Variants in VBP1 observed in about 807,000 individuals in gnomAD.
The protein encoded by VBP1 is VHL binding protein 1.
Under a neutral mutation model 15.5 loss-of-function variants are expected in VBP1, and 4 were observed. The ratio of observed to expected loss-of-function variants is 0.26; its 90% CI spans 0.13 to 0.59. The LOEUF (loss-of-function observed/expected upper bound fraction) is 0.59, where lower values mean the gene tolerates loss of function less well. Among genes scored for constraint, VBP1 ranks in the 20% least tolerant of loss-of-function variants. The probability of loss-of-function intolerance (pLI) is 0.90; values close to 1 mark genes in which losing one functional copy is unlikely to be tolerated. For synonymous variants in VBP1, 61 were observed against 52.1 expected (o/e 1.17, Z -0.74); for missense variants, 108 against 139.6 (o/e 0.77, Z 1.14).
rs781920127 is a variant in VBP1, at chrX:155,224,337, C to T, written c.219-2898C>T. Among the ~76,000 whole-genome samples the T allele has an allele frequency of 4.0e-4, 45 of 112,588 alleles. No individual in the cohort carries two copies. The South Asian group carries it at 0.012, about 31-fold the overall frequency. On this transcript the variant is annotated intron_variant, in intron 2 of 5. Coordinates refer to ENST00000286428, the MANE Select transcript of VBP1 (RefSeq NM_003372.7). ...ATTGAGCACTGAGTGAGCGAGACTC[C>T]GTCTGCAATCCCGGCACCTCGGGAG... is the stretch of plus-strand genomic sequence containing the variant.
intron 1 of VBP1, among the ~76,000 whole-genome samples, chrX:155,199,426 A>G (rs782217998): frequency 8.9e-6 from 1 of 112,011 alleles, no homozygotes; most frequent in South Asian, 3.7e-4. Context: ...GAAACTCTAC[A>G]AGCCAGAAGA....
intron 3 of VBP1, among the ~76,000 whole-genome samples, chrX:155,228,066 T>G (rs1338184013): frequency 1.8e-5 from 2 of 110,874 alleles, no homozygotes; most frequent in African/African-American, 6.6e-5. Context: ...CACTCGGGGG[T>G]GTGTGTGTGT....
intron 1 of VBP1, among the ~76,000 whole-genome samples, chrX:155,199,186 A>G (rs1343682376): frequency 6.3e-5 from 7 of 111,632 alleles, no homozygotes; most frequent in Non-Finnish European, 1.3e-4. Flanking sequence ...AACACTCTGC[A>G]GGATATTATC....
At chrX:155,233,940 C>T (rs953350138) in intron 4 of VBP1, among the ~76,000 whole-genome samples, 1 of 109,976 alleles carries the variant, frequency 9.1e-6, no homozygotes. Context: ...TGTAAGTGAA[C>T]GAATCTGTTG....
chrX:155,228,112 G>T (rs1024678412), intron 3 of VBP1, among the ~76,000 whole-genome samples: 1 of 111,472 alleles, frequency 9.0e-6, no homozygotes, highest in Non-Finnish European at 1.9e-5. Context: ...GACTTCATAG[G>T]TGTAGGGACT....
intron 1 of VBP1, among the ~76,000 whole-genome samples, chrX:155,206,380 C>T (rs5983644): frequency 0.33 from 36,391 of 109,193 alleles, 5,191 homozygotes; most frequent in African/African-American, 0.54. Flanking sequence ...ACTACAGGCA[C>T]CTGCCACCAC....
At chrX:155,202,963 C>T (rs191813404) in intron 1 of VBP1, among the ~76,000 whole-genome samples, 1 of 112,056 alleles carries the variant, frequency 8.9e-6, no homozygotes, top group East Asian at 2.8e-4. Flanking sequence ...TGAACAGACA[C>T]TTCTCAAAAG....
chrX:155,234,698 T>C (rs1311914183), intron 4 of VBP1, among the ~76,000 whole-genome samples: 1 of 111,507 alleles, frequency 9.0e-6, no homozygotes, highest in African/African-American at 3.3e-5. Context: ...AAATATTGAA[T>C]GCACATCATA....
chrX:155,227,315 T>C lies in VBP1; in HGVS notation c.285+14T>C. 8.9e-7 allele frequency: 1 copy of C among 1,126,675 alleles called. No homozygotes were observed. The highest frequency in any genetic ancestry group is 1.2e-6 in the Non-Finnish European group (1 of 841,947). 92.9% of individuals were successfully genotyped at this position (1,126,675 alleles called of 1,213,427 possible). The stretch of plus-strand genomic sequence containing the variant: ...CAGAAGAAAAAAGTAAGTGCATTTT[T>C]GTTTGTAAATATGAGCAAGCTAGGA... On this transcript the variant is annotated intron_variant, in intron 3 of 5. Transcript: ENST00000286428.
chrX:155,236,721 A>C (rs2074775251), intron 5 of VBP1, among the ~76,000 whole-genome samples: 1 of 112,945 alleles, frequency 8.9e-6, no homozygotes, highest in Non-Finnish European at 1.9e-5. Flanking sequence ...TACTTAAATA[A>C]GTTTGTAGAT....
rs1430956803 is a variant in VBP1, at chrX:155,203,499, G to C, written c.-30-5375G>C. On this transcript the variant is annotated intron_variant, in intron 1 of 6. Coordinates refer to the VBP1 transcript ENST00000535916. ...ATTGGAAATCATCATTCTCAGTAAA[G>C]TATCGCAAGGACAAAAAACCAAACA... Among the ~76,000 whole-genome samples the C allele has an allele frequency of 5.0e-4, 54 of 107,061 alleles. No homozygotes were observed. The East Asian group carries it at 0.015, about 29-fold the overall frequency. 93.0% of individuals were successfully genotyped at this position (107,061 alleles called of 115,157 possible). A position where few individuals can be genotyped will look rare whatever the true frequency, so the allele number is the denominator to read the frequency against.
chrX:155,207,645 G>A (rs1223547600), intron 1 of VBP1, among the ~76,000 whole-genome samples: 1 of 111,482 alleles, frequency 9.0e-6, no homozygotes, highest in East Asian at 2.8e-4. Context: ...AAACTTAAAT[G>A]TTACTATCAA....
At chrX:155,204,485 A>G (rs1021979928) in intron 1 of VBP1, among the ~76,000 whole-genome samples, 1 of 111,879 alleles carries the variant, frequency 8.9e-6, no homozygotes, top group African/African-American at 3.3e-5. Flanking sequence ...CAAGAGTTGG[A>G]TATATGGTTA....
intron 1 of VBP1, among the ~76,000 whole-genome samples, chrX:155,218,747 A>G (rs1401808036): frequency 2.7e-5 from 3 of 111,704 alleles, no homozygotes; most frequent in Non-Finnish European, 5.6e-5. Flanking sequence ...CACATATGCT[A>G]ACTCATTTAA....
intron 2 of VBP1, among the ~76,000 whole-genome samples, chrX:155,220,706 A>G (rs1324818674): frequency 1.8e-5 from 2 of 112,060 alleles, no homozygotes; most frequent in Non-Finnish European, 3.8e-5. Context: ...GAAAAAAGCT[A>G]TCCTTACTCT....
intron 2 of VBP1, among the ~76,000 whole-genome samples, chrX:155,225,360 A>T (rs782650268): frequency 9.0e-6 from 1 of 111,038 alleles, no homozygotes; most frequent in East Asian, 2.8e-4. Context: ...CGCCCAGCTA[A>T]TTTTTTTGTA....
intron 1 of VBP1, among the ~76,000 whole-genome samples, chrX:155,199,063 G>T (rs914981658): frequency 9.0e-6 from 1 of 110,948 alleles, no homozygotes; most frequent in Non-Finnish European, 1.9e-5. Flanking sequence ...AGAGAAAAAA[G>T]AATAAAAAGA....
At chrX:155,229,295 A>G (rs952947413) in intron 4 of VBP1, among the ~76,000 whole-genome samples, 1 of 112,787 alleles carries the variant, frequency 8.9e-6, no homozygotes, top group East Asian at 2.7e-4. Flanking sequence ...TTTGAAGCAT[A>G]GCAACTACAC....
chrX:155,228,315 C>CT (rs2074728314), intron 3 of VBP1, 69 bp from the exon 4 acceptor site: 1 of 845,134 alleles, frequency 1.2e-6, no homozygotes, highest in African/African-American at 2.0e-5. Flanking sequence ...ACTGTGCAAT[C>CT]TCTCCTTTAT....
Sources: allele counts gnomAD v4.1 joint callset (sites outside exome capture counted in the v4.1 genomes callset), GRCh38; gene constraint gnomAD v4.1.1; transcripts MANE v1.5; gene names NCBI Gene and HGNC (gene_info 2026-07-23, HGNC 2026-07-21).